Variants in TOPBP1 observed in about 807,000 individuals in gnomAD.
The protein encoded by TOPBP1 is DNA topoisomerase II binding protein 1.
Under a neutral mutation model 167.7 loss-of-function variants are expected in TOPBP1, and 28 were observed. The ratio of observed to expected loss-of-function variants is 0.17; its 90% confidence interval spans 0.12 to 0.23. TOPBP1 has a LOEUF of 0.23. TOPBP1 is among the 10% of genes least tolerant of loss of function. The pLI, the probability that TOPBP1 is intolerant of heterozygous loss-of-function variation, is 1.00. For missense variants in TOPBP1, 1,554 were observed against 1,809.6 expected (o/e 0.86, Z 2.56); for synonymous variants, 598 against 611.4 (o/e 0.98, Z 0.32).
intron 14 of TOPBP1, among the ~76,000 whole-genome samples, chr3:133,629,449 T>G (rs777755360): frequency 6.6e-6 from 1 of 152,282 alleles, no homozygotes. Flanking sequence ...ACCAGCCCAG[T>G]GCAGTGGCTC....
chr3:133,631,175 T>C (rs1935461292), intron 14 of TOPBP1, among the ~76,000 whole-genome samples: 1 of 152,142 alleles, frequency 6.6e-6, no homozygotes, highest in Admixed American at 6.5e-5. Flanking sequence ...AGTGATAAAG[T>C]GAGATCCTAT....
intron 12 of TOPBP1, among the ~76,000 whole-genome samples, chr3:133,641,087 T>A (rs1269795343): frequency 6.6e-6 from 1 of 152,190 alleles, no homozygotes; most frequent in Non-Finnish European, 1.5e-5. Context: ...GCACTTTTTT[T>A]TTCTATGTTT....
intron 14 of TOPBP1, among the ~76,000 whole-genome samples, chr3:133,637,559 A>C (rs1461236863): frequency 6.6e-6 from 1 of 152,236 alleles, no homozygotes; most frequent in African/African-American, 2.4e-5. Flanking sequence ...GAATTTTCAG[A>C]GCAAATATTA....
chr3:133,661,010 G>A (rs763456452), intron 2 of TOPBP1, 34 bp downstream of exon 2: 4 of 1,464,164 alleles, frequency 2.7e-6, no homozygotes, highest in Non-Finnish European at 2.8e-6. Flanking sequence ...ACAAGAAAAT[G>A]AATTCACGGT....
At chr3:133,654,776 T>A (rs1936420450) in intron 6 of TOPBP1, among the ~76,000 whole-genome samples, 1 of 152,244 alleles carries the variant, frequency 6.6e-6, no homozygotes, top group African/African-American at 2.4e-5. Flanking sequence ...TACTGCCTCA[T>A]GTGCCGCAAG....
intron 27 of TOPBP1, 106 bp from the exon 28 acceptor site, chr3:133,601,499 CAAACTT>C (rs1190672029): frequency 9.6e-6 from 9 of 937,530 alleles, no homozygotes; most frequent in Non-Finnish European, 1.2e-5. Context: ...ATGAATCTGA[CAAACTT>C]AAAGGAAAAC....
chr3:133,659,958 C>T (rs375158122), intron 2 of TOPBP1, among the ~76,000 whole-genome samples: 3 of 152,262 alleles, frequency 2.0e-5, no homozygotes, highest in African/African-American at 7.2e-5. Flanking sequence ...CCTCCAATGG[C>T]TCTCCACTGA....
At chr3:133,622,653 ATGTG>A (rs1935131563) in intron 19 of TOPBP1, among the ~76,000 whole-genome samples, 1 of 152,144 alleles carries the variant, frequency 6.6e-6, no homozygotes, top group South Asian at 2.1e-4. Flanking sequence ...CTTTAAAACC[ATGTG>A]GATATGTTAA....
At chr3:133,603,106 G>A (rs1934366949) in intron 27 of TOPBP1, among the ~76,000 whole-genome samples, 1 of 151,986 alleles carries the variant, frequency 6.6e-6, no homozygotes, top group Non-Finnish European at 1.5e-5. Flanking sequence ...ATATTGGCCA[G>A]GCTGGTCTCG....
At chr3:133,624,500 G>A (rs974781429) in intron 16 of TOPBP1, among the ~76,000 whole-genome samples, 2 of 152,154 alleles carry the variant, frequency 1.3e-5, no homozygotes, top group African/African-American at 4.8e-5. Context: ...AAAAAATGAT[G>A]ATAGGCTCTA....
rs199780853 is a variant in TOPBP1 at position 133,643,987 on chromosome 3, G to C, written c.1848+33C>G. ...CCTTCTTGGCATTCAGATATCCTTC[G>C]ATACTTTATTTCAACCACTAGTGTT... On this transcript the variant is annotated intron_variant, in intron 11 of 27. Coordinates refer to ENST00000260810, the MANE Select transcript of TOPBP1 (RefSeq NM_007027.4). 358 of 1,535,306 alleles carry C rather than the reference G, an allele frequency of 2.3e-4. 2 individuals are homozygous for C. Among genetic ancestry groups the C allele is most frequent in the Middle Eastern group, 1.0e-3 (6 of 5,718 alleles).
rs907596625 is a variant in TOPBP1, at chr3:133,601,411, A to G, written c.4426-18T>C. 6.9e-7 allele frequency: 1 copy of G among 1,447,646 alleles called. No individual in the cohort carries two copies. The highest frequency in any genetic ancestry group is 1.5e-5 in the African/African-American group (1 of 67,932). 89.7% of individuals were successfully genotyped at this position (1,447,646 alleles called of 1,614,324 possible). ...GGTGATTCCTATAAAAGGAAAAATA[A>G]GTGATTTTTTAAAATGATTTCAAAC... On this transcript the variant is annotated intron_variant, in intron 27 of 27. Transcript: ENST00000260810.
Position 133,649,770 on chromosome 3 carries a change from C to A in TOPBP1, c.1253+10G>T, listed in dbSNP as rs749861876. The stretch of plus-strand genomic sequence containing the variant: ...AGTAGAAATTGCTTTGAATTAAAAA[C>A]GAAAAAAACCTGTGGGCTGATTTAT... On this transcript the variant is annotated intron_variant, in intron 9 of 27. Transcript: ENST00000260810. 2 of 1,582,884 alleles carry A rather than the reference C, an allele frequency of 1.3e-6. No homozygotes were observed. The highest frequency in any genetic ancestry group is 2.7e-5 in the African/African-American group (2 of 72,872).
At chr3:133,659,382 A>G (rs910922079) in intron 2 of TOPBP1, among the ~76,000 whole-genome samples, 2 of 152,192 alleles carry the variant, frequency 1.3e-5, no homozygotes, top group African/African-American at 2.4e-5. Flanking sequence ...TCATGTCACT[A>G]TCTGCTCAAA....
intron 14 of TOPBP1, among the ~76,000 whole-genome samples, chr3:133,629,562 T>C (rs1463795817): frequency 1.3e-5 from 2 of 152,098 alleles, no homozygotes; most frequent in African/African-American, 4.8e-5. Flanking sequence ...CCCAATTTCT[T>C]TTTAAAAAAA....
chr3:133,607,514 A>G (rs576862643), intron 27 of TOPBP1, among the ~76,000 whole-genome samples: 5 of 151,950 alleles, frequency 3.3e-5, no homozygotes, highest in Non-Finnish European at 7.4e-5. Flanking sequence ...GATTTTTACC[A>G]TTTTACACTT....
Position 133,657,924 on chromosome 3 carries a change from A to G in TOPBP1, c.237T>C (p.Val79=), listed in dbSNP as rs1936534757. Residue 79 remains valine (V), a synonymous_variant, in exon 4 of 28, where the codon GTT becomes GTC. Coordinates refer to ENST00000260810, the MANE Select transcript of TOPBP1 (RefSeq NM_007027.4). ...DHLKKLGCRI[V]GPQVVIFCMH... ...TACAAAATATGACTACTTGAGGACC[A>G]ACAATTCTGCAGCCAAGCTACAAAA... 6.4e-7 allele frequency: 1 copy of G among 1,568,450 alleles called. No homozygotes were observed. Among genetic ancestry groups the G allele is most frequent in the Non-Finnish European group, 8.6e-7 (1 of 1,164,720 alleles).
At chr3:133,627,217 T>C (rs1455287634) in intron 16 of TOPBP1, among the ~76,000 whole-genome samples, 1 of 152,192 alleles carries the variant, frequency 6.6e-6, no homozygotes, top group Non-Finnish European at 1.5e-5. Flanking sequence ...CTGAGAGGAC[T>C]GGCATTTAAA....
intron 23 of TOPBP1, among the ~76,000 whole-genome samples, chr3:133,614,198 A>T (rs1934783270): frequency 6.6e-6 from 1 of 152,192 alleles, no homozygotes; most frequent in Admixed American, 6.5e-5. Context: ...TATGCCAGGA[A>T]CTACTTAAAG....
Sources: allele counts gnomAD v4.1 joint callset (sites outside exome capture counted in the v4.1 genomes callset), GRCh38; gene constraint gnomAD v4.1.1; transcripts MANE v1.5; gene names NCBI Gene and HGNC (gene_info 2026-07-23, HGNC 2026-07-21).